The following C12orf42 variants were observed in gnomAD, a reference collection of about 807,000 sequenced individuals.
The protein encoded by C12orf42 is uncharacterized protein C12orf42.
Under a neutral mutation model 21.6 loss-of-function variants are expected in C12orf42, and 25 were observed. The ratio of observed to expected loss-of-function variants is 1.16; its 90% CI spans 0.84 to 1.62. C12orf42 has a LOEUF of 1.62. Ranked by LOEUF, C12orf42 falls within the 40% of genes most tolerant of loss-of-function variation. The pLI, the probability that C12orf42 is intolerant of heterozygous loss-of-function variation, is 0.00. For synonymous variants in C12orf42, 174 were observed against 175.0 expected, an observed-to-expected ratio of 0.99 and a Z score of 0.05; for missense variants, 483 against 459.3, an observed-to-expected ratio of 1.05 and a Z score of -0.47.
the C12orf42 span, among the ~76,000 whole-genome samples, chr12:103,154,091 T>C: frequency 7.8e-5 from 11 of 141,316 alleles, no homozygotes; most frequent in African/African-American, 2.9e-4. Flanking sequence ...GTTAAAACTA[T>C]ATGGTTCCAT....
At chr12:103,218,920 C>A in the C12orf42 span, among the ~76,000 whole-genome samples, 1 of 152,182 alleles carries the variant, frequency 6.6e-6, no homozygotes, top group African/African-American at 2.4e-5. Flanking sequence ...TCTCTGAACA[C>A]GTAGAAGAGA....
the C12orf42 span, among the ~76,000 whole-genome samples, chr12:103,119,149 G>A: frequency 6.6e-6 from 1 of 152,204 alleles, no homozygotes; most frequent in Non-Finnish European, 1.5e-5. Flanking sequence ...TATGGGCTTT[G>A]AGGTCTAACA....
chr12:103,283,531 TCCCTTC>T (rs1409662856), intron 4 of C12orf42, among the ~76,000 whole-genome samples: 2 of 152,160 alleles, frequency 1.3e-5, no homozygotes, highest in African/African-American at 4.8e-5. Context: ...CTGATCACAG[TCCCTTC>T]ACTCCTTGTG....
At chr12:103,392,954 G>A (rs2047199608) in intron 3 of C12orf42, among the ~76,000 whole-genome samples, 1 of 152,158 alleles carries the variant, frequency 6.6e-6, no homozygotes, top group Non-Finnish European at 1.5e-5. Flanking sequence ...GGTGGTATCA[G>A]GTATCAGATC....
intron 3 of C12orf42, among the ~76,000 whole-genome samples, chr12:103,371,889 A>G (rs1348685903): frequency 1.3e-5 from 2 of 152,192 alleles, no homozygotes; most frequent in Non-Finnish European, 2.9e-5. Flanking sequence ...CCCCAATTTT[A>G]CAGATGAAAA....
the C12orf42 span, among the ~76,000 whole-genome samples, chr12:103,524,969 G>C: frequency 6.7e-6 from 1 of 150,298 alleles, no homozygotes; most frequent in Non-Finnish European, 1.5e-5. Flanking sequence ...TTTTGGGGGG[G>C]GGGCAGGGGG....
At chr12:103,313,257 A>G (rs1314267075) in intron 4 of C12orf42, among the ~76,000 whole-genome samples, 1 of 152,256 alleles carries the variant, frequency 6.6e-6, no homozygotes, top group African/African-American at 2.4e-5. Flanking sequence ...ATTTTCTATT[A>G]ATGCTGAAAC....
the C12orf42 span, among the ~76,000 whole-genome samples, chr12:103,111,119 T>G: frequency 6.6e-6 from 1 of 152,210 alleles, no homozygotes; most frequent in Non-Finnish European, 1.5e-5. Context: ...TTATTCTTTC[T>G]ATTACTTAGC....
In C12orf42 at chr12:103,309,913, C is replaced by T. The variant is rs148585304; in HGVS notation, c.260-3568G>A. ...ATGCCTTCAGAGGCCAGGCGGATGACAGAAATGAAATAAGGGTCCAAGTAG... is the reference window on the plus strand; with the variant it reads ...ATGCCTTCAGAGGCCAGGCGGATGATAGAAATGAAATAAGGGTCCAAGTAG... On this transcript the variant is annotated intron_variant, in intron 4 of 5. Coordinates refer to ENST00000548883, the MANE Select transcript of C12orf42 (RefSeq NM_198521.5). Among the ~76,000 whole-genome samples the T allele has an allele frequency of 5.2e-4, 79 of 152,310 alleles. No individual in the cohort carries two copies. The East Asian group carries it at 0.01, about 20-fold the overall frequency.
At chr12:103,530,275 T>G in the C12orf42 span, among the ~76,000 whole-genome samples, 5,179 of 152,306 alleles carry the variant, frequency 0.034, 290 homozygotes, top group African/African-American at 0.11. Flanking sequence ...CAGCTGCACA[T>G]GGAGCCCGGC....
chr12:103,327,160 G>A (rs758657104), intron 4 of C12orf42, among the ~76,000 whole-genome samples: 5 of 152,046 alleles, frequency 3.3e-5, no homozygotes, highest in Non-Finnish European at 7.4e-5. Context: ...GGGACCTTCC[G>A]GTTTCTCCTG....
chr12:103,459,276 A>G (rs1952526259), intron 2 of C12orf42, among the ~76,000 whole-genome samples: 1 of 152,214 alleles, frequency 6.6e-6, no homozygotes, highest in Admixed American at 6.5e-5. Context: ...CTTTTTAATT[A>G]GTGATAGGGT....
intron 4 of C12orf42, among the ~76,000 whole-genome samples, chr12:103,359,426 A>G (rs2043884706): frequency 6.6e-6 from 1 of 152,140 alleles, no homozygotes; most frequent in Non-Finnish European, 1.5e-5. Flanking sequence ...AATGTTCTTC[A>G]GCTGACAAAT....
chr12:103,329,600 T>C, intron 4 of C12orf42, among the ~76,000 whole-genome samples: 1 of 149,498 alleles, frequency 6.7e-6, no homozygotes, highest in Non-Finnish European at 1.5e-5. Context: ...GTTAAGAATA[T>C]GGACTCGGGC....
the C12orf42 span, among the ~76,000 whole-genome samples, chr12:103,063,522 A>C: frequency 6.6e-6 from 1 of 152,166 alleles, no homozygotes; most frequent in Non-Finnish European, 1.5e-5. Flanking sequence ...TCCCATCCCC[A>C]GTAGTGACAA....
At chr12:103,093,174 C>T in the C12orf42 span, among the ~76,000 whole-genome samples, 17 of 152,258 alleles carry the variant, frequency 1.1e-4, no homozygotes, top group African/African-American at 4.1e-4. Context: ...TTTCTCACAC[C>T]TGGTTTCTTA....
the C12orf42 span, among the ~76,000 whole-genome samples, chr12:103,221,157 C>T: frequency 3.3e-5 from 5 of 152,168 alleles, no homozygotes; most frequent in African/African-American, 1.2e-4. Flanking sequence ...AGAAAGATAC[C>T]ACACAGAGAG....
the C12orf42 span, among the ~76,000 whole-genome samples, chr12:103,069,148 C>T: frequency 1.3e-5 from 2 of 151,086 alleles, no homozygotes; most frequent in Non-Finnish European, 3.0e-5. Context: ...TTTCAATCTG[C>T]TCTTAACCCA....
chr12:103,348,126 T>C (rs2042794143), intron 4 of C12orf42, among the ~76,000 whole-genome samples: 1 of 152,172 alleles, frequency 6.6e-6, no homozygotes, highest in Non-Finnish European at 1.5e-5. Flanking sequence ...CACACTGATG[T>C]GTAAGGCAGG....
Sources: gnomAD v4.1 joint callset for allele counts (sites outside exome capture counted in the v4.1 genomes callset) on GRCh38, gnomAD v4.1.1 for gene constraint, MANE v1.5 for transcripts, NCBI Gene and HGNC (gene_info 2026-07-23, HGNC 2026-07-21) for gene names.